The following ADGRV1 variants were observed in gnomAD, a reference collection of about 807,000 sequenced individuals.
ADGRV1 encodes the protein G-protein coupled receptor 98.
A neutral mutation model predicts 596.2 loss-of-function variants in ADGRV1; 359 were observed. That is an observed-to-expected ratio of 0.60 (90% CI 0.55 to 0.66). The LOEUF is 0.66. Among genes scored for constraint, ADGRV1 ranks in the 30% least tolerant of loss-of-function variants. The pLI is 0.00. For missense variants in ADGRV1, 7,274 were observed against 7,575.6 expected, an observed-to-expected ratio of 0.96 and a Z score of 1.48; for synonymous variants, 2,681 against 2,679.2, an observed-to-expected ratio of 1.00 and a Z score of -0.02.
chr5:91,103,104 A>G (rs1182078566), intron 87 of ADGRV1, among the ~76,000 whole-genome samples: 1 of 152,130 alleles, frequency 6.6e-6, no homozygotes. Flanking sequence ...AGACATATAC[A>G]CACCTTCAGA....
chr5:90,924,824 G>C (rs1360684627), intron 83 of ADGRV1, among the ~76,000 whole-genome samples: 1 of 151,964 alleles, frequency 6.6e-6, no homozygotes, highest in Non-Finnish European at 1.5e-5. Context: ...GTGTAAGGAA[G>C]GGATCCAGTT....
At chr5:91,026,771 G>A (rs543224822) in intron 85 of ADGRV1, among the ~76,000 whole-genome samples, 11 of 152,152 alleles carry the variant, frequency 7.2e-5, no homozygotes, top group Admixed American at 1.3e-4. Flanking sequence ...TAATGTCTTC[G>A]TAAAGATAAG....
rs779918762 is a variant in ADGRV1, at chr5:90,853,394, G to A, written c.17315G>A (p.Arg5772Gln). Residue 5772 changes from arginine to glutamine, a missense_variant, in exon 80 of 90, where the codon CGA becomes CAA. Transcript: ENST00000405460. Reference sequence around the variant, plus strand: ...GAAGGAAAGGAAGGAGATTACATTCGAATTCCAGAGAGGCTACTGGATGTC... The same window carrying A: ...GAAGGAAAGGAAGGAGATTACATTCAAATTCCAGAGAGGCTACTGGATGTC... ...KFEGKEGDYI[R>Q]IPERLLDVQD... 2.0e-5 allele frequency: 32 copies of A among 1,613,384 alleles called. No individual in the cohort carries two copies. The highest frequency in any genetic ancestry group is 3.3e-5 in the Admixed American group (2 of 59,968).
At chr5:90,704,533 G>T (rs114327932) in intron 36 of ADGRV1, 45 bp downstream of exon 36, 2 of 1,187,614 alleles carry the variant, frequency 1.7e-6, no homozygotes, top group Admixed American at 4.5e-5. Context: ...TATTCTTTTC[G>T]TAAAAGAAAG....
chr5:90,865,122 T>TA (rs1274217601), intron 83 of ADGRV1, among the ~76,000 whole-genome samples: 1 of 152,176 alleles, frequency 6.6e-6, no homozygotes, highest in African/African-American at 2.4e-5. Context: ...TGCTGGATTC[T>TA]AAGCAGAGGT....
intron 85 of ADGRV1, among the ~76,000 whole-genome samples, chr5:91,024,737 C>A (rs965236373): frequency 8.5e-5 from 13 of 152,130 alleles, no homozygotes; most frequent in African/African-American, 2.9e-4. Flanking sequence ...CGGCTTATTG[C>A]TTTAATGGGT....
chr5:90,578,042 A>G (rs930191120), intron 1 of ADGRV1, among the ~76,000 whole-genome samples: 7 of 152,198 alleles, frequency 4.6e-5, no homozygotes, highest in South Asian at 4.1e-4. Context: ...TAAATATACA[A>G]TCATGTCATC....
At chr5:90,623,421 AT>A (rs936060787) in intron 5 of ADGRV1, among the ~76,000 whole-genome samples, 44 of 151,748 alleles carry the variant, frequency 2.9e-4, no homozygotes, top group African/African-American at 9.7e-4. Context: ...ATTTTATTTT[AT>A]TTTTTTTGAG....
At chr5:90,772,248 A>G in intron 59 of ADGRV1, among the ~76,000 whole-genome samples, 1 of 152,202 alleles carries the variant, frequency 6.6e-6, no homozygotes, top group South Asian at 2.1e-4. Context: ...TTTCATGGTC[A>G]TTCAGGGACA....
At chr5:90,647,939 C>A (rs1768035941) in intron 17 of ADGRV1, among the ~76,000 whole-genome samples, 175 bp downstream of exon 17, 2 of 10,758 alleles carry the variant, frequency 1.9e-4, no homozygotes, top group South Asian at 9.3e-3. Context: ...ATGTGTTGAA[C>A]CTTTATGTAC....
At chr5:90,960,173 T>C (rs1184978092) in intron 83 of ADGRV1, among the ~76,000 whole-genome samples, 1 of 149,508 alleles carries the variant, frequency 6.7e-6, no homozygotes, top group African/African-American at 2.5e-5. Context: ...GATCAGTGTA[T>C]GCCTAGGGTG....
chr5:91,101,353 A>T (rs1047793932), intron 86 of ADGRV1, among the ~76,000 whole-genome samples: 3 of 152,174 alleles, frequency 2.0e-5, no homozygotes, highest in Non-Finnish European at 4.4e-5. Context: ...GTGTTAATTG[A>T]TGATAGTGGG....
chr5:91,104,715 T>C (rs891478277), intron 87 of ADGRV1, among the ~76,000 whole-genome samples: 1 of 152,188 alleles, frequency 6.6e-6, no homozygotes, highest in African/African-American at 2.4e-5. Context: ...GTTATTTCAC[T>C]TACCATAATG....
intron 86 of ADGRV1, chr5:91,091,806 T>G (rs186786365): frequency 4.6e-5 from 7 of 152,096 alleles, no homozygotes; most frequent in Admixed American, 3.9e-4. Context: ...AAGCTAGCCT[T>G]CCTCCACCTT....
At position 90,763,420 on chromosome 5, in the gene ADGRV1, A is replaced by G; in HGVS notation, c.12236A>G (p.Lys4079Arg). Residue 4079 changes from lysine (K) to arginine (R), a missense_variant, in exon 59 of 90, where the codon AAG becomes AGG. By Grantham distance (26) the Lys-to-Arg change is conservative. Transcript: ENST00000405460. ...TVRLEWTIDEKAKHNLSPLNG... is the reference protein window; with the variant it reads ...TVRLEWTIDERAKHNLSPLNG... ...CGACTTGAGTGGACCATAGATGAGA[A>G]GGCTAAACATAACCTTAGTCCTTTG... The G allele has an allele frequency of 6.2e-7, 1 of 1,613,820 alleles. No individual in the cohort carries two copies. The highest frequency in any genetic ancestry group is 8.5e-7 in the Non-Finnish European group (1 of 1,179,742).
chr5:90,764,883 C>T (rs1332556816), intron 59 of ADGRV1, among the ~76,000 whole-genome samples: 2 of 152,110 alleles, frequency 1.3e-5, no homozygotes, highest in Non-Finnish European at 1.5e-5. Flanking sequence ...AAGCTAGCAA[C>T]CTGGTTCTCT....
chr5:90,797,533 C>CT (rs1338898929), intron 70 of ADGRV1, among the ~76,000 whole-genome samples: 1 of 152,088 alleles, frequency 6.6e-6, no homozygotes, highest in African/African-American at 2.4e-5. Context: ...TAATGAGAGA[C>CT]TTTAACACCC....
intron 83 of ADGRV1, among the ~76,000 whole-genome samples, chr5:90,905,359 A>G (rs568741386): frequency 6.6e-6 from 1 of 152,148 alleles, no homozygotes; most frequent in African/African-American, 2.4e-5. Context: ...GATTCTTCCA[A>G]TCCATGAACA....
At chr5:90,887,581 G>A (rs941307499) in intron 83 of ADGRV1, among the ~76,000 whole-genome samples, 53 of 152,110 alleles carry the variant, frequency 3.5e-4, no homozygotes, top group Non-Finnish European at 1.0e-4. Flanking sequence ...ATGCATATTT[G>A]TTATTACTTA....
Sources: allele counts gnomAD v4.1 joint callset (sites outside exome capture counted in the v4.1 genomes callset), GRCh38; gene constraint gnomAD v4.1.1; transcripts MANE v1.5; gene names NCBI Gene and HGNC (gene_info 2026-07-23, HGNC 2026-07-21).